PNPLA7: variants seen among roughly 807,000 people sequenced by gnomAD.
The protein encoded by PNPLA7 is patatin-like phospholipase domain-containing protein 7.
PNPLA7 carries 153 observed loss-of-function variants against 161.7 expected under a neutral mutation model. The ratio of observed to expected loss-of-function variants is 0.95; its 90% CI spans 0.83 to 1.08. PNPLA7 has a LOEUF of 1.08. Among genes scored for constraint, PNPLA7 ranks in the 50% least tolerant of loss-of-function variants. PNPLA7 has a pLI of 0.00. For missense variants in PNPLA7, 1,739 were observed against 1,856.6 expected (o/e 0.94, Z 1.16); for synonymous variants, 809 against 782.1 (o/e 1.03, Z -0.57).
chr9:137,540,911 C>A lies in PNPLA7; in HGVS notation c.667-189G>T, dbSNP rs1298198206. ...CTGCTGGCATCAGGGGTACAACACACAGGAAGCGGCAGCAAGGAAAACAGA... is the reference window on the plus strand; with the variant it reads ...CTGCTGGCATCAGGGGTACAACACAAAGGAAGCGGCAGCAAGGAAAACAGA... On this transcript the variant is annotated intron_variant, in intron 7 of 34. Coordinates refer to ENST00000406427, the MANE Select transcript of PNPLA7 (RefSeq NM_001098537.3). The surrounding 1 kb of genome is among the most constrained non-coding windows in gnomAD (Gnocchi z 5.1). 3 of 561,194 alleles carry A rather than the reference C, an allele frequency of 5.3e-6. No individual in the cohort carries two copies. Among genetic ancestry groups the A allele is most frequent in the Non-Finnish European group, 9.7e-6 (3 of 310,004 alleles). The allele number at this position is 561,194 out of a possible 1,614,324, so 34.8% of individuals were successfully genotyped here. A position where few individuals can be genotyped will look rare whatever the true frequency, so the allele number is the denominator to read the frequency against.
rs985438707 is a variant in PNPLA7 at position 137,476,844 on chromosome 9, C to A, written c.2882+1190G>T. Among the ~76,000 whole-genome samples, 1 of 152,204 alleles carries A rather than the reference C, an allele frequency of 6.6e-6. No individual in the cohort carries two copies. Among genetic ancestry groups the A allele is most frequent in the African/African-American group, 2.4e-5 (1 of 41,460 alleles). ...CATTGAACTGCTGTAGGCCAACTTC[C>A]GCAGCTTTCAAGAGAAAATGTGGCA... On this transcript the variant is annotated intron_variant, in intron 25 of 34. Coordinates refer to ENST00000406427, the MANE Select transcript of PNPLA7 (RefSeq NM_001098537.3). This position sits in a 1 kb window ranked among gnomAD's most constrained non-coding sequence, Gnocchi z 4.5.
intron 12 of PNPLA7, among the ~76,000 whole-genome samples, chr9:137,514,183 G>A (rs1404322798): frequency 2.7e-5 from 4 of 149,636 alleles, no homozygotes; most frequent in Non-Finnish European, 5.9e-5. Context: ...TGAGGTGCCC[G>A]GGCCCTGTGG....
chr9:137,545,511 A>G (rs910480956), intron 4 of PNPLA7, among the ~76,000 whole-genome samples: 1 of 152,230 alleles, frequency 6.6e-6, no homozygotes, highest in Non-Finnish European at 1.5e-5. Flanking sequence ...CTGGGGGCCG[A>G]CAGGGCCTTT....
chr9:137,477,009 C>T (rs556054699), intron 25 of PNPLA7, among the ~76,000 whole-genome samples: 1 of 152,350 alleles, frequency 6.6e-6, no homozygotes, highest in Admixed American at 6.5e-5. Flanking sequence ...GAGCTTTTCC[C>T]GGGGTAGCAG....
chr9:137,509,370 G>T lies in PNPLA7; in HGVS notation c.1226-3287C>A, dbSNP rs1260379724. The T allele has an allele frequency of 3.6e-5, 6 of 168,552 alleles. 1 individual carries two copies. The highest frequency in any genetic ancestry group is 1.7e-4 in the African/African-American group (6 of 34,376). 10.4% of individuals were successfully genotyped at this position (168,552 alleles called of 1,614,324 possible). On this transcript the variant is annotated intron_variant, in intron 12 of 34. Coordinates refer to ENST00000406427, the MANE Select transcript of PNPLA7 (RefSeq NM_001098537.3). ...TGGTACGAATGAGTTTAGCTAGTAC[G>T]AATGAGTTTAGCCGGTATGAGTGAG... is the stretch of plus-strand genomic sequence containing the variant.
At chr9:137,473,892 C>T (rs1202838517) in intron 25 of PNPLA7, among the ~76,000 whole-genome samples, 1 of 152,192 alleles carries the variant, frequency 6.6e-6, no homozygotes, top group African/African-American at 2.4e-5. Flanking sequence ...CGGGCACTTA[C>T]ACTCCTAGGC....
chr9:137,527,603 C>T (rs543532328), intron 8 of PNPLA7, among the ~76,000 whole-genome samples: 3 of 152,302 alleles, frequency 2.0e-5, no homozygotes, highest in African/African-American at 7.2e-5. Context: ...GAATAAATCC[C>T]ACTGATCATG....
intron 12 of PNPLA7, among the ~76,000 whole-genome samples, chr9:137,514,115 C>A (rs1834380287): frequency 6.7e-6 from 1 of 148,392 alleles, no homozygotes; most frequent in Admixed American, 6.7e-5. Context: ...GGGCGGGTCA[C>A]CCGGATGTTG....
chr9:137,494,523 GCCACCCTCACCCGCA>G (rs1168746191), intron 19 of PNPLA7, among the ~76,000 whole-genome samples: 5 of 152,046 alleles, frequency 3.3e-5, no homozygotes, highest in Admixed American at 1.3e-4. Flanking sequence ...CATGGCCTGT[GCCACCCTCACCCGCA>G]CCACCCTCAC....
chr9:137,509,973 C>A (rs560948599), intron 12 of PNPLA7, among the ~76,000 whole-genome samples: 1 of 152,228 alleles, frequency 6.6e-6, no homozygotes, highest in East Asian at 1.9e-4. Flanking sequence ...CTAGGAAAAA[C>A]CAGGCCATAC....
rs376523951 is a variant in PNPLA7 at position 137,474,990 on chromosome 9, G to A, written c.2882+3044C>T. On this transcript the variant is annotated intron_variant, in intron 25 of 34. Coordinates refer to ENST00000406427, the MANE Select transcript of PNPLA7 (RefSeq NM_001098537.3). The stretch of plus-strand genomic sequence containing the variant: ...GAGCCGAGCCGAGATCGCTCACTGC[G>A]ACAGAACAAGACTCTGCCTCAAAAA... 3.6e-4 allele frequency among the ~76,000 whole-genome samples: 36 copies of A among 101,382 alleles called. No homozygotes were observed. The East Asian group carries it at 7.8e-3, about 22-fold the overall frequency. The allele number at this position is 101,382 out of a possible 152,430, so 66.5% of individuals were successfully genotyped here.
intron 21 of PNPLA7, 31 bp from the exon 22 acceptor site, chr9:137,481,054 G>T: frequency 6.5e-7 from 1 of 1,550,172 alleles, no homozygotes; most frequent in Non-Finnish European, 8.7e-7. Context: ...AACGGAGCCT[G>T]CCTGGGCAGC....
rs147891914 is a variant in PNPLA7 at position 137,498,795 on chromosome 9, G to T, written c.1758-550C>A. 8.5e-3 allele frequency among the ~76,000 whole-genome samples: 1,296 copies of T among 152,218 alleles called. 13 individuals are homozygous for T. Among genetic ancestry groups the T allele is most frequent in the Middle Eastern group, 0.037 (11 of 294 alleles). On this transcript the variant is annotated intron_variant, in intron 16 of 34. Coordinates refer to ENST00000406427, the MANE Select transcript of PNPLA7 (RefSeq NM_001098537.3). The stretch of plus-strand genomic sequence containing the variant: ...GGGCTGCAGCAGGGACGTGCCCAGG[G>T]GCTCTGGGCAGTGGCGAGGTGGGAC...
intron 8 of PNPLA7, among the ~76,000 whole-genome samples, chr9:137,538,588 T>C (rs564656443): frequency 1.3e-5 from 2 of 152,220 alleles, no homozygotes; most frequent in Non-Finnish European, 2.9e-5. Context: ...GTTACCTTGA[T>C]ACACAGCTAA....
At chr9:137,460,806 C>CA in intron 33 of PNPLA7, 69 bp from the exon 34 acceptor site, 21 of 1,445,286 alleles carry the variant, frequency 1.5e-5, no homozygotes, top group Non-Finnish European at 2.0e-5. Context: ...TAGCCACACT[C>CA]AGAGGCAGAA....
Position 137,462,061 on chromosome 9 carries a change from C to T in PNPLA7, c.3646-20G>A, listed in dbSNP as rs1317717030. On this transcript the variant is annotated intron_variant, in intron 31 of 34. Transcript: ENST00000406427. The stretch of plus-strand genomic sequence containing the variant: ...CACTTCCTGTGCACACCCCCAGGGC[C>T]CCGTCAGGAGGTGTGGGGAGCCCCC... 6.4e-7 allele frequency: 1 copy of T among 1,560,300 alleles called. No individual in the cohort carries two copies. The highest frequency in any genetic ancestry group is 1.4e-5 in the African/African-American group (1 of 73,774).
At chr9:137,548,990 G>T (rs1376316126) in intron 1 of PNPLA7, among the ~76,000 whole-genome samples, 2 of 152,214 alleles carry the variant, frequency 1.3e-5, no homozygotes, top group Non-Finnish European at 2.9e-5. Flanking sequence ...AGCGAAGTGA[G>T]TCCCTCAGCC....
At chr9:137,528,736 T>A (rs911412979) in intron 8 of PNPLA7, among the ~76,000 whole-genome samples, 1 of 149,174 alleles carries the variant, frequency 6.7e-6, no homozygotes, top group Non-Finnish European at 1.5e-5. Flanking sequence ...AGTCTCGCTC[T>A]CTTGCCCAGG....
rs780575526 is a variant in PNPLA7 at position 137,478,095 on chromosome 9, G to A, written c.2821C>T (p.Arg941Cys). Reference protein sequence around the residue: ...RPPDRHSDFSRLARVLTGNAI... With the variant: ...RPPDRHSDFSCLARVLTGNAI... ...TTGCCCGTCAGCACCCTCGCCAGGC[G>A]GGAGAAGTCTGAGTGTCGGTCCGGG... Residue 941 changes from arginine to cysteine, a missense_variant, in exon 25 of 35, where the codon CGC becomes TGC. Arg to Cys is a radical substitution (Grantham distance 180). Coordinates refer to ENST00000406427, the MANE Select transcript of PNPLA7 (RefSeq NM_001098537.3). 5.4e-5 allele frequency: 75 copies of A among 1,377,482 alleles called. No individual in the cohort carries two copies. Among genetic ancestry groups the A allele is most frequent in the Admixed American group, 2.1e-4 (6 of 28,360 alleles). The allele number at this position is 1,377,482 out of a possible 1,614,324, so 85.3% of individuals were successfully genotyped here. A position where few individuals can be genotyped will look rare whatever the true frequency, so the allele number is the denominator to read the frequency against.
Sources: gnomAD v4.1 joint callset for allele counts (sites outside exome capture counted in the v4.1 genomes callset) on GRCh38, gnomAD v4.1.1 for gene constraint, Gnocchi (gnomAD v3.1) non-coding constraint, MANE v1.5 for transcripts, NCBI Gene and HGNC (gene_info 2026-07-23, HGNC 2026-07-21) for gene names.